The following ATP2C1 variants were observed in gnomAD, a reference collection of about 807,000 sequenced individuals.
ATP2C1 encodes the protein calcium-transporting ATPase type 2C member 1.
Under a neutral mutation model 120.5 loss-of-function variants are expected in ATP2C1, and 31 were observed. That is an observed-to-expected ratio of 0.26 (90% confidence interval 0.19 to 0.35). The LOEUF (loss-of-function observed/expected upper bound fraction) is 0.35, where lower values mean the gene tolerates loss of function less well. Among genes scored for constraint, ATP2C1 ranks in the 10% least tolerant of loss-of-function variants. The pLI is 1.00. For synonymous variants in ATP2C1, 351 were observed against 358.7 expected (o/e 0.98, Z 0.24); for missense variants, 731 against 1,107.5 (o/e 0.66, Z 4.83).
chr3:130,862,688 T>C (rs1012362606), intron 1 of ATP2C1, among the ~76,000 whole-genome samples: 2 of 152,212 alleles, frequency 1.3e-5, no homozygotes, highest in Non-Finnish European at 2.9e-5. Context: ...GTACAGGTAG[T>C]AGGGATATTC....
Position 130,959,277 on chromosome 3 carries a change from A to G in ATP2C1, c.835A>G (p.Ile279Val). The change falls in exon 12 of 28, where the codon ATC becomes GTC. Residue 279 changes from isoleucine to valine, a missense_variant and splice_region_variant. Physicochemically the swap from Ile to Val is conservative, Grantham distance 29 (BLOSUM62 3). Transcript: ENST00000510168. ...LSFYSFGIIGIIMLVGWLLGK... is the reference protein window; with the variant it reads ...LSFYSFGIIGVIMLVGWLLGK... The stretch of plus-strand genomic sequence containing the variant: ...ATAACTATTTAATTATCTTTCAGGA[A>G]TCATCATGTTGGTTGGCTGGTTACT... The G allele has an allele frequency of 1.2e-6, 2 of 1,603,990 alleles. No individual in the cohort carries two copies. The highest frequency in any genetic ancestry group is 1.7e-6 in the Non-Finnish European group (2 of 1,171,456).
intron 8 of ATP2C1, among the ~76,000 whole-genome samples, chr3:130,945,280 G>T (rs1477636630): frequency 2.6e-5 from 4 of 152,178 alleles, no homozygotes; most frequent in Admixed American, 2.0e-4. Flanking sequence ...CAATGGATTG[G>T]TCGGACAATG....
chr3:130,964,804 G>C (rs776567260), intron 13 of ATP2C1, 144 bp from the exon 14 acceptor site: 1 of 609,890 alleles, frequency 1.6e-6, no homozygotes, highest in African/African-American at 1.9e-5. Context: ...CATAATGAGA[G>C]AAGTTAATCT....
At chr3:131,005,109 CTTTTTT>C (rs35129703), downstream of ATP2C1, among the ~76,000 whole-genome samples, 5 of 92,638 alleles carry the variant, frequency 5.4e-5, no homozygotes, top group Admixed American at 1.2e-4. Context: ...TTTGAATTGT[CTTTTTT>C]TTTTTTTTTT....
intron 16 of ATP2C1, 39 bp downstream of exon 16, chr3:130,967,458 C>G: frequency 6.6e-7 from 1 of 1,525,812 alleles, no homozygotes. Flanking sequence ...ATTTGAGACA[C>G]TGCCCTCACA....
Position 131,002,798 on chromosome 3 carries a change from G to GA in ATP2C1, c.*1452dup. On this transcript the variant is annotated 3_prime_UTR_variant, in exon 28 of 28. Coordinates refer to ENST00000510168, the MANE Select transcript of ATP2C1 (RefSeq NM_001378687.1). ...GCACTGAAATATTGTCATTGATAGG[G>GA]AAAATATCTATTCTTTGAGTCATTG... is the stretch of plus-strand genomic sequence containing the variant. 1 of 985,616 alleles carries GA rather than the reference G, an allele frequency of 1.0e-6. No homozygotes were observed. Among genetic ancestry groups the GA allele is most frequent in the Non-Finnish European group, 1.2e-6 (1 of 829,918 alleles). The allele number at this position is 985,616 out of a possible 1,614,324, so 61.1% of individuals were successfully genotyped here. A position where few individuals can be genotyped will look rare whatever the true frequency, so the allele number is the denominator to read the frequency against.
chr3:130,974,100 T>C (rs977273767), intron 17 of ATP2C1, among the ~76,000 whole-genome samples: 5 of 152,174 alleles, frequency 3.3e-5, no homozygotes, highest in Non-Finnish European at 5.9e-5. Context: ...TCTGCTTCTT[T>C]GTTGTTGTGA....
chr3:131,001,104 GAAAAAA>G (rs11403338), intron 27 of ATP2C1, 110 bp from the exon 28 acceptor site: 30 of 340,892 alleles, frequency 8.8e-5, no homozygotes, highest in Admixed American at 1.1e-4. Flanking sequence ...CTTCATCTCA[GAAAAAA>G]AAAAAAAAAA....
intron 27 of ATP2C1, 43 bp downstream of exon 27, chr3:130,999,702 A>G: frequency 6.5e-7 from 1 of 1,531,094 alleles, no homozygotes; most frequent in Non-Finnish European, 9.0e-7. Context: ...TTTTAGATAA[A>G]TCATATTTTC....
intron 6 of ATP2C1, among the ~76,000 whole-genome samples, chr3:130,937,966 T>C (rs892685503): frequency 1.3e-5 from 2 of 152,220 alleles, no homozygotes; most frequent in South Asian, 2.1e-4. Flanking sequence ...ACTTGTTTGC[T>C]GAATTTATCA....
At chr3:130,978,366 C>T (rs573181086) in intron 18 of ATP2C1, among the ~76,000 whole-genome samples, 1 of 152,036 alleles carries the variant, frequency 6.6e-6, no homozygotes, top group Non-Finnish European at 1.5e-5. Context: ...TTTCAGTCTC[C>T]TCTTGACTTA....
intron 8 of ATP2C1, among the ~76,000 whole-genome samples, chr3:130,952,144 T>C (rs1434196736): frequency 6.6e-6 from 1 of 152,172 alleles, no homozygotes; most frequent in Non-Finnish European, 1.5e-5. Flanking sequence ...AAAATGTGGC[T>C]CTATCTTTAT....
intron 1 of ATP2C1, among the ~76,000 whole-genome samples, chr3:130,878,182 A>G (rs2068668830): frequency 6.6e-6 from 1 of 151,288 alleles, no homozygotes; most frequent in African/African-American, 2.4e-5. Flanking sequence ...AGATATACTT[A>G]ATGTAAATGA....
At chr3:130,990,272 A>AACCCC (rs1553779030) in intron 20 of ATP2C1, among the ~76,000 whole-genome samples, 5 of 102,058 alleles carry the variant, frequency 4.9e-5, no homozygotes, top group Admixed American at 1.1e-4. Context: ...CTTAAGAGCA[A>AACCCC]CCCCCCCCCC....
chr3:131,002,720 T>G lies in ATP2C1; in HGVS notation c.*1370T>G. ...CCAATAAGTTTTATCTTTTATAATC[T>G]GTCAGGATGAACCACTCCTTAGCTT... On this transcript the variant is annotated 3_prime_UTR_variant, in exon 28 of 28. Transcript: ENST00000510168. 1.0e-6 allele frequency: 1 copy of G among 985,406 alleles called. No homozygotes were observed. Among genetic ancestry groups the G allele is most frequent in the Non-Finnish European group, 1.2e-6 (1 of 829,868 alleles). 61.0% of individuals were successfully genotyped at this position (985,406 alleles called of 1,614,324 possible).
At chr3:130,975,632 A>G (rs2061503912) in intron 18 of ATP2C1, 144 bp downstream of exon 18, 1 of 987,324 alleles carries the variant, frequency 1.0e-6, no homozygotes, top group Non-Finnish European at 1.5e-6. Context: ...GTTAAGTTTT[A>G]GTTGGTTAAT....
intron 27 of ATP2C1, among the ~76,000 whole-genome samples, chr3:131,000,821 GGCCAGGCGCCAT>G (rs2062847046): frequency 6.6e-6 from 1 of 152,104 alleles, no homozygotes; most frequent in African/African-American, 2.4e-5. Flanking sequence ...AAGCTGTGGT[GGCCAGGCGCCAT>G]GCCTCACGCC....
chr3:130,943,257 C>G (rs1026496550), intron 8 of ATP2C1, among the ~76,000 whole-genome samples: 9 of 152,162 alleles, frequency 5.9e-5, no homozygotes, highest in Admixed American at 2.6e-4. Context: ...ACTCTGTTGC[C>G]CAGGCTGGAG....
At chr3:130,907,192 GTTTATAAGATAATTATCA>G (rs2058170093) in intron 2 of ATP2C1, among the ~76,000 whole-genome samples, 1 of 151,952 alleles carries the variant, frequency 6.6e-6, no homozygotes, top group Non-Finnish European at 1.5e-5. Flanking sequence ...CTGCAGCAAT[GTTTATAAGATAATTATCA>G]GAGATATGGT....
Sources: gnomAD v4.1 joint callset for allele counts (sites outside exome capture counted in the v4.1 genomes callset) on GRCh38, gnomAD v4.1.1 for gene constraint, MANE v1.5 for transcripts, NCBI Gene and HGNC (gene_info 2026-07-23, HGNC 2026-07-21) for gene names.